Variants in CHST1 observed in about 807,000 individuals in gnomAD.
CHST1 encodes Keratan sulfotransferase.
Under a neutral mutation model 22.5 loss-of-function variants are expected in CHST1, and 10 were observed. The ratio of observed to expected loss-of-function variants is 0.44; its 90% CI spans 0.27 to 0.75. The LOEUF is 0.75. Ranked by LOEUF, CHST1 falls within the 30% of genes least tolerant of loss-of-function variation. The probability of loss-of-function intolerance (pLI) is 0.15; values close to 1 mark genes in which losing one functional copy is unlikely to be tolerated. For synonymous variants in CHST1, 267 were observed against 264.5 expected (o/e 1.01, Z -0.09); for missense variants, 439 against 576.1 (o/e 0.76, Z 2.44).
intron 1 of CHST1, among the ~76,000 whole-genome samples, chr11:45,658,474 G>A (rs990638544): frequency 6.6e-6 from 1 of 152,224 alleles, no homozygotes; most frequent in Admixed American, 6.5e-5. Context: ...CCAGCAGCCT[G>A]CGTGGTTGGA....
Position 45,650,960 on chromosome 11 carries a change from T to A in CHST1, c.-37A>T. 6.6e-7 allele frequency: 1 copy of A among 1,513,992 alleles called. No homozygotes were observed. Among genetic ancestry groups the A allele is most frequent in the Non-Finnish European group, 8.8e-7 (1 of 1,132,768 alleles). The allele number at this position is 1,513,992 out of a possible 1,614,324, so 93.8% of individuals were successfully genotyped here. A position where few individuals can be genotyped will look rare whatever the true frequency, so the allele number is the denominator to read the frequency against. On this transcript the variant is annotated 5_prime_UTR_variant, in exon 4 of 4. Coordinates refer to ENST00000308064, the MANE Select transcript of CHST1 (RefSeq NM_003654.6). ...TTCATGGGGCTGCTTCTCCAAGGGG[T>A]GAGGTCTGTGGGCAAAGGCGGCCAG...
Position 45,650,584 on chromosome 11 carries a change from G to C in CHST1, c.340C>G (p.Arg114Gly). 1 of 1,613,944 alleles carries C rather than the reference G, an allele frequency of 6.2e-7. No individual in the cohort carries two copies. The highest frequency in any genetic ancestry group is 1.1e-5 in the South Asian group (1 of 91,074). Residue 114 changes from arginine to glycine, a missense_variant, in exon 4 of 4, where the codon CGG becomes GGG. By Grantham distance (125) the Arg-to-Gly change is moderately radical. Coordinates refer to ENST00000308064, the MANE Select transcript of CHST1 (RefSeq NM_003654.6). Reference protein sequence around the residue: ...FTQGKSPADRRVMLGASRDLL... With the variant: ...FTQGKSPADRGVMLGASRDLL... ...TCGCGGCTGGCGCCTAGCATGACCC[G>C]CCGGTCGGCCGGGCTCTTGCCCTGG...
Position 45,649,572 on chromosome 11 carries a change from G to T in CHST1, c.*116C>A. 9.1e-7 allele frequency: 1 copy of T among 1,097,672 alleles called. No homozygotes were observed. The highest frequency in any genetic ancestry group is 1.3e-6 in the Non-Finnish European group (1 of 768,740). 68.0% of individuals were successfully genotyped at this position (1,097,672 alleles called of 1,614,324 possible). On this transcript the variant is annotated 3_prime_UTR_variant, in exon 4 of 4. Transcript: ENST00000308064. ...AAGGGAGTGGGGTGAGCTGGGGGCA[G>T]GAAGGACACGAAGATGAGGTGGGAG... is the stretch of plus-strand genomic sequence containing the variant.
chr11:45,657,988 G>A (rs964918595), intron 1 of CHST1, among the ~76,000 whole-genome samples: 1 of 152,148 alleles, frequency 6.6e-6, no homozygotes, highest in African/African-American at 2.4e-5. Flanking sequence ...CCATCAGCAG[G>A]GCTGCCCAGC....
chr11:45,659,657 T>C (rs1852104955), intron 1 of CHST1, among the ~76,000 whole-genome samples: 1 of 152,180 alleles, frequency 6.6e-6, no homozygotes, highest in Non-Finnish European at 1.5e-5. Context: ...ATGGGACTGC[T>C]GCACCTGATG....
intron 1 of CHST1, among the ~76,000 whole-genome samples, chr11:45,654,846 G>A (rs570715839): frequency 3.9e-5 from 6 of 152,352 alleles, no homozygotes; most frequent in Non-Finnish European, 8.8e-5. Context: ...ACTGGGAGCA[G>A]TGAACAGCTC....
intron 1 of CHST1, among the ~76,000 whole-genome samples, chr11:45,660,929 C>G (rs1852124397): frequency 6.6e-6 from 1 of 152,212 alleles, no homozygotes; most frequent in Non-Finnish European, 1.5e-5. Context: ...CCTTCCAGCT[C>G]TAATCAAGGA....
chr11:45,664,643 T>G (rs1190395617), intron 1 of CHST1, among the ~76,000 whole-genome samples: 1 of 152,222 alleles, frequency 6.6e-6, no homozygotes, highest in Non-Finnish European at 1.5e-5. Flanking sequence ...CGTGGTGGGC[T>G]CTGCACCATC....
At chr11:45,662,465 C>G (rs535925736) in intron 1 of CHST1, among the ~76,000 whole-genome samples, 21 of 152,128 alleles carry the variant, frequency 1.4e-4, no homozygotes, top group Non-Finnish European at 4.4e-5. Flanking sequence ...TGCTTCCCAG[C>G]GGGGGGTGTG....
chr11:45,656,771 C>T lies in CHST1; in HGVS notation c.-226-4165G>A, dbSNP rs1852067980. ...GCTCTCCCCACCCCCATTTCCAAGG[C>T]ACCAGGGTCAAAGGCACTGCTTTTC... On this transcript the variant is annotated intron_variant, in intron 1 of 3. Coordinates refer to ENST00000308064, the MANE Select transcript of CHST1 (RefSeq NM_003654.6). Among the ~76,000 whole-genome samples, 4 of 144,558 alleles carry T rather than the reference C, an allele frequency of 2.8e-5. 1 individual carries two copies. In the South Asian group the frequency reaches 9.1e-4, roughly 33 times the overall value. The allele number at this position is 144,558 out of a possible 152,430, so 94.8% of individuals were successfully genotyped here. A position where few individuals can be genotyped will look rare whatever the true frequency, so the allele number is the denominator to read the frequency against.
At chr11:45,654,267 A>G (rs2120332112) in intron 1 of CHST1, among the ~76,000 whole-genome samples, 1 of 152,344 alleles carries the variant, frequency 6.6e-6, no homozygotes, top group East Asian at 1.9e-4. Flanking sequence ...CTAATAAATC[A>G]GAAGTCACTG....
chr11:45,650,103 G>C lies in CHST1; in HGVS notation c.821C>G (p.Thr274Arg). The C allele has an allele frequency of 3.1e-6, 5 of 1,614,032 alleles. No homozygotes were observed. Among genetic ancestry groups the C allele is most frequent in the Non-Finnish European group, 4.2e-6 (5 of 1,180,022 alleles). ...PYNLDVTQLT[T>R]VCEDFSNSVS... ...GGAGTTGGAGAAGTCCTCGCACACC[G>C]TGGTCAGCTGCGTCACGTCCAGGTT... Residue 274 changes from threonine (T) to arginine (R), a missense_variant, in exon 4 of 4, where the codon ACG becomes AGG. Thr to Arg is a moderately conservative substitution (Grantham distance 71). Coordinates refer to ENST00000308064, the MANE Select transcript of CHST1 (RefSeq NM_003654.6).
At chr11:45,661,501 G>A (rs1852133008) in intron 1 of CHST1, among the ~76,000 whole-genome samples, 1 of 152,256 alleles carries the variant, frequency 6.6e-6, no homozygotes, top group Admixed American at 6.5e-5. Context: ...GGCAAGGGGT[G>A]TCCATGGGGG....
chr11:45,649,475 C>T lies in CHST1; in HGVS notation c.*213G>A, dbSNP rs145736188. 2,802 of 559,350 alleles carry T rather than the reference C, an allele frequency of 5.0e-3. 67 individuals are homozygous for T. The highest frequency in any genetic ancestry group is 0.046 in the African/African-American group (2,322 of 50,768). The allele number at this position is 559,350 out of a possible 1,614,324, so 34.6% of individuals were successfully genotyped here. A position where few individuals can be genotyped will look rare whatever the true frequency, so the allele number is the denominator to read the frequency against. ...TGGGGGGGGGGGGGGCGGGACCCTA[C>T]TTCAGGCGCCCTCTGCCCCAGTGAT... On this transcript the variant is annotated 3_prime_UTR_variant, in exon 4 of 4. Transcript: ENST00000308064.
rs112727727 is a variant in CHST1, at chr11:45,656,199, C to T, written c.-226-3593G>A. On this transcript the variant is annotated intron_variant, in intron 1 of 3. Coordinates refer to ENST00000308064, the MANE Select transcript of CHST1 (RefSeq NM_003654.6). The stretch of plus-strand genomic sequence containing the variant: ...CCCTTAGAAATGCCATTAGTGCCCA[C>T]AATTTTACACACACAATTGAGAAGT... Among the ~76,000 whole-genome samples the T allele has an allele frequency of 2.0e-3, 303 of 152,332 alleles. 1 individual carries two copies. Among genetic ancestry groups the T allele is most frequent in the African/African-American group, 7.0e-3 (291 of 41,574 alleles).
chr11:45,659,197 G>A (rs1488527003), intron 1 of CHST1, among the ~76,000 whole-genome samples: 1 of 152,210 alleles, frequency 6.6e-6, no homozygotes, highest in Non-Finnish European at 1.5e-5. Flanking sequence ...GGAGCAGCGA[G>A]GCTCAGCAAG....
chr11:45,650,213 G>A lies in CHST1; in HGVS notation c.711C>T (p.Arg237=). The A allele has an allele frequency of 3.7e-6, 6 of 1,610,634 alleles. No homozygotes were observed. Among genetic ancestry groups the A allele is most frequent in the South Asian group, 2.2e-5 (2 of 91,076 alleles). ...LKVIQLVRDP[R]GILASRSETF... is the part of the protein sequence containing the mutation. The stretch of plus-strand genomic sequence containing the variant: ...TCTCGCTGCGCGAAGCCAGAATGCC[G>A]CGGGGGTCTCGGACCAGCTGGATGA... Residue 237 remains arginine (R), a synonymous_variant, in exon 4 of 4, where the codon CGC becomes CGT. Coordinates refer to ENST00000308064, the MANE Select transcript of CHST1 (RefSeq NM_003654.6).
intron 1 of CHST1, among the ~76,000 whole-genome samples, chr11:45,658,123 T>A (rs375878800): frequency 3.3e-5 from 5 of 152,212 alleles, no homozygotes; most frequent in African/African-American, 7.2e-5. Flanking sequence ...GGAGGGGTAG[T>A]TAGGCACCCC....
chr11:45,658,588 C>T (rs1320162657), intron 1 of CHST1, among the ~76,000 whole-genome samples: 1 of 152,036 alleles, frequency 6.6e-6, no homozygotes, highest in Non-Finnish European at 1.5e-5. Flanking sequence ...CCAGGCCCGA[C>T]CTGAGGGGAA....
Sources: gnomAD v4.1 joint callset for allele counts (sites outside exome capture counted in the v4.1 genomes callset) on GRCh38, gnomAD v4.1.1 for gene constraint, MANE v1.5 for transcripts, NCBI Gene and HGNC (gene_info 2026-07-23, HGNC 2026-07-21) for gene names.